The following EYS variants were observed in gnomAD, a reference collection of about 807,000 sequenced individuals.
EYS encodes protein eyes shut homolog.
A neutral mutation model predicts 282.1 loss-of-function variants in EYS; 250 were observed. The observed-to-expected ratio is 0.89, with a 90% confidence interval of 0.80 to 0.98. The LOEUF is 0.98. Ranked by LOEUF, EYS falls within the 50% of genes least tolerant of loss-of-function variation. The pLI is 0.00. For missense variants in EYS, 4,016 were observed against 3,709.0 expected, an observed-to-expected ratio of 1.08 and a Z score of -2.15; for synonymous variants, 1,355 against 1,282.9, an observed-to-expected ratio of 1.06 and a Z score of -1.20.
chr6:64,678,181 C>T (rs1769760257), intron 22 of EYS, among the ~76,000 whole-genome samples: 1 of 151,556 alleles, frequency 6.6e-6, no homozygotes, highest in African/African-American at 2.4e-5. Flanking sequence ...AAGAGTCTGG[C>T]TTACATGTAC....
At chr6:64,791,408 A>T (rs1266906438) in intron 22 of EYS, among the ~76,000 whole-genome samples, 1 of 151,880 alleles carries the variant, frequency 6.6e-6, no homozygotes, top group Non-Finnish European at 1.5e-5. Context: ...GGCATCAAGC[A>T]CAATGTACCA....
intron 13 of EYS, among the ~76,000 whole-genome samples, chr6:65,033,200 A>C (rs996916243): frequency 2.6e-5 from 4 of 152,174 alleles, no homozygotes; most frequent in Non-Finnish European, 5.9e-5. Flanking sequence ...CCAAAGTTGG[A>C]AGTTATATAT....
chr6:64,792,857 C>CGTGTGTGTGTGTGT (rs61516922), intron 22 of EYS, among the ~76,000 whole-genome samples: 15 of 148,426 alleles, frequency 1.0e-4, no homozygotes, highest in South Asian at 6.5e-4. Context: ...GATCTTGACA[C>CGTGTGTGTGTGTGT]GTGTGTGTGT....
At chr6:63,834,085 T>C (rs894438527) in intron 36 of EYS, among the ~76,000 whole-genome samples, 18 of 152,086 alleles carry the variant, frequency 1.2e-4, no homozygotes, top group Non-Finnish European at 2.6e-4. Context: ...ACTTAAATGT[T>C]AGACCTAAAG....
intron 13 of EYS, among the ~76,000 whole-genome samples, chr6:65,016,649 G>C (rs544841276): frequency 8.7e-4 from 132 of 152,228 alleles, no homozygotes; most frequent in Non-Finnish European, 1.5e-3. Flanking sequence ...GTAGAATCAA[G>C]TCATCCAACT....
chr6:65,634,811 T>C (rs1469931732), intron 2 of EYS, among the ~76,000 whole-genome samples: 1 of 152,242 alleles, frequency 6.6e-6, no homozygotes, highest in Non-Finnish European at 1.5e-5. Flanking sequence ...GTCCTTGTTA[T>C]ACAGGTGAGA....
intron 30 of EYS, among the ~76,000 whole-genome samples, chr6:64,272,440 C>A (rs919097998): frequency 6.6e-6 from 1 of 152,154 alleles, no homozygotes; most frequent in South Asian, 2.1e-4. Context: ...TTTAGTGCTT[C>A]CTTCAGGAGC....
intron 24 of EYS, among the ~76,000 whole-genome samples, chr6:64,602,634 A>G (rs1766798896): frequency 6.6e-6 from 1 of 152,142 alleles, no homozygotes; most frequent in African/African-American, 2.4e-5. Context: ...ATGCTGCTGA[A>G]GATGAGCTCA....
At chr6:64,326,566 C>G (rs1013555464) in intron 29 of EYS, among the ~76,000 whole-genome samples, 2 of 152,164 alleles carry the variant, frequency 1.3e-5, no homozygotes, top group Admixed American at 1.3e-4. Flanking sequence ...ATTTGATAAA[C>G]TCTCCTGAAC....
At chr6:64,043,957 C>T (rs948668854) in intron 33 of EYS, among the ~76,000 whole-genome samples, 1 of 152,192 alleles carries the variant, frequency 6.6e-6, no homozygotes, top group Non-Finnish European at 1.5e-5. Context: ...ATTTTCAACT[C>T]CACACGTAAC....
chr6:64,964,021 A>G (rs1770014885), intron 14 of EYS, among the ~76,000 whole-genome samples: 1 of 152,088 alleles, frequency 6.6e-6, no homozygotes, highest in African/African-American at 2.4e-5. Context: ...ATTAGAAAGC[A>G]ATGGTTATCA....
At chr6:65,587,375 A>G (rs1472729475) in intron 2 of EYS, among the ~76,000 whole-genome samples, 4 of 152,004 alleles carry the variant, frequency 2.6e-5, no homozygotes, top group African/African-American at 9.7e-5. Context: ...ACCCCATGGG[A>G]GGTAATTGAA....
chr6:65,228,126 TCTA>T (rs1766676539), intron 12 of EYS, among the ~76,000 whole-genome samples: 1 of 152,100 alleles, frequency 6.6e-6, no homozygotes, highest in Non-Finnish European at 1.5e-5. Flanking sequence ...CCATAAAAAG[TCTA>T]TAGCTAGCGC....
At chr6:65,109,191 T>C (rs1018803850) in intron 12 of EYS, among the ~76,000 whole-genome samples, 3 of 152,090 alleles carry the variant, frequency 2.0e-5, no homozygotes, top group African/African-American at 7.2e-5. Context: ...ATAGCCACTT[T>C]TAGAATTTTT....
intron 30 of EYS, among the ~76,000 whole-genome samples, chr6:64,238,808 T>C (rs1766694940): frequency 6.6e-6 from 1 of 152,186 alleles, no homozygotes; most frequent in African/African-American, 2.4e-5. Context: ...AATGTGCAGG[T>C]TTGTTACATA....
chr6:64,644,644 TA>T (rs1449402140), intron 22 of EYS, among the ~76,000 whole-genome samples: 2 of 152,252 alleles, frequency 1.3e-5, no homozygotes, highest in Admixed American at 1.3e-4. Flanking sequence ...AACATTATGA[TA>T]TGAAAAGATG....
intron 11 of EYS, among the ~76,000 whole-genome samples, chr6:65,297,474 C>T (rs58452107): frequency 0.058 from 8,775 of 151,948 alleles, 805 homozygotes; most frequent in African/African-American, 0.2. Flanking sequence ...CCATTTAATG[C>T]AATTTGTCAA....
chr6:65,432,088 A>G (rs1465811584), intron 5 of EYS, among the ~76,000 whole-genome samples: 1 of 152,160 alleles, frequency 6.6e-6, no homozygotes, highest in Non-Finnish European at 1.5e-5. Flanking sequence ...ATGATCCATA[A>G]AAGTAAGATA....
intron 22 of EYS, among the ~76,000 whole-genome samples, chr6:64,634,231 C>T (rs1767891265): frequency 6.6e-6 from 1 of 152,208 alleles, no homozygotes; most frequent in Admixed American, 6.5e-5. Flanking sequence ...ATCCGCCTGC[C>T]TTGGCCTCCC....
Sources: gnomAD v4.1 joint callset for allele counts (sites outside exome capture counted in the v4.1 genomes callset) on GRCh38, gnomAD v4.1.1 for gene constraint, MANE v1.5 for transcripts, NCBI Gene and HGNC (gene_info 2026-07-23, HGNC 2026-07-21) for gene names.